VWF: variants seen among roughly 807,000 people sequenced by gnomAD.
VWF encodes the protein Factor VIII related antigen.
A neutral mutation model predicts 308.6 loss-of-function variants in VWF; 176 were observed. The observed-to-expected ratio is 0.57, with a 90% CI of 0.50 to 0.65. The LOEUF (loss-of-function observed/expected upper bound fraction) is 0.65. VWF is among the 30% of genes least tolerant of loss of function. VWF has a pLI of 0.00. For missense variants in VWF, 3,146 were observed against 3,648.2 expected, an observed-to-expected ratio of 0.86 and a Z score of 3.55; for synonymous variants, 1,385 against 1,443.4, an observed-to-expected ratio of 0.96 and a Z score of 0.92.
At chr12:6,107,601 C>T (rs183826641) in intron 5 of VWF, among the ~76,000 whole-genome samples, 6 of 152,190 alleles carry the variant, frequency 3.9e-5, no homozygotes, top group African/African-American at 1.4e-4. Context: ...GCAAAAAGCA[C>T]TGGTAAAAAT....
In VWF at chr12:5,992,113, TGC is replaced by T; in HGVS notation, c.6599-97_6599-96del. ...AACATGGTTAATCATCAGACAAACT[TGC>T]CAGGGCAGAGACGGCTATTTTCCAC... On this transcript the variant is annotated intron_variant, in intron 37 of 51. Coordinates refer to ENST00000261405, the MANE Select transcript of VWF (RefSeq NM_000552.5). 3.2e-6 allele frequency: 4 copies of T among 1,245,056 alleles called. No individual in the cohort carries two copies. In the South Asian group the frequency reaches 5.2e-5, roughly 16 times the overall value. The allele number at this position is 1,245,056 out of a possible 1,614,324, so 77.1% of individuals were successfully genotyped here.
At chr12:6,040,155 G>A (rs930861667) in intron 18 of VWF, among the ~76,000 whole-genome samples, 11 of 152,112 alleles carry the variant, frequency 7.2e-5, no homozygotes, top group Non-Finnish European at 1.5e-4. Flanking sequence ...CCTTGCCGCC[G>A]GACTCAGGAA....
At chr12:5,980,588 G>T (rs1057270384) in intron 42 of VWF, among the ~76,000 whole-genome samples, 2 of 152,210 alleles carry the variant, frequency 1.3e-5, no homozygotes, top group Non-Finnish European at 2.9e-5. Context: ...AGCAAGGCAG[G>T]AGGGGTGGGC....
chr12:6,100,335 G>C (rs1379376633), intron 5 of VWF, among the ~76,000 whole-genome samples: 9 of 147,862 alleles, frequency 6.1e-5, no homozygotes, highest in Admixed American at 6.0e-4. Flanking sequence ...TCAGTGTGGT[G>C]ATTCCTCAGG....
intron 3 of VWF, 70 bp downstream of exon 3, chr12:6,121,104 C>T: frequency 6.2e-7 from 1 of 1,601,262 alleles, no homozygotes; most frequent in Non-Finnish European, 8.5e-7. Context: ...AGCAGGAATC[C>T]TCCCCCACAC....
chr12:6,023,668 A>G lies in VWF; in HGVS notation c.3342T>C (p.His1114=). The G allele has an allele frequency of 6.2e-7, 1 of 1,613,886 alleles. No individual in the cohort carries two copies. The highest frequency in any genetic ancestry group is 1.1e-5 in the South Asian group (1 of 90,900). Residue 1114 remains histidine, a synonymous_variant, in exon 25 of 52, where the codon CAT becomes CAC. Transcript: ENST00000261405. ...CCGTCCTCCAGGTCACCACCTTGCCATGCTGGGCACACACGTGGGCATAGG... is the reference window on the plus strand; with the variant it reads ...CCGTCCTCCAGGTCACCACCTTGCCGTGCTGGGCACACACGTGGGCATAGG... ...IAAYAHVCAQ[H]GKVVTWRTAT...
intron 16 of VWF, among the ~76,000 whole-genome samples, chr12:6,050,725 C>T (rs112048440): frequency 0.011 from 1,659 of 152,172 alleles, 28 homozygotes; most frequent in African/African-American, 0.037. Context: ...TCTGGGAGGC[C>T]GAGGCGGGCA....
intron 47 of VWF, among the ~76,000 whole-genome samples, chr12:5,955,867 C>T (rs1295547049): frequency 6.6e-6 from 1 of 151,948 alleles, no homozygotes; most frequent in Non-Finnish European, 1.5e-5. Flanking sequence ...AGACAGGACA[C>T]AAGAAAAGAA....
rs1944104404 is a variant in VWF, at chr12:6,019,425, G to C, written c.3993C>G (p.Leu1331=). The C allele has an allele frequency of 6.2e-7, 1 of 1,613,942 alleles. No individual in the cohort carries two copies. Among genetic ancestry groups the C allele is most frequent in the Non-Finnish European group, 8.5e-7 (1 of 1,179,870 alleles). ...GCTCTGACGGTCGCTTCCGGTCCTT[G>C]AGCCCGATGTAGGCGTGGGAGCCGT... ...YHDGSHAYIG[L]KDRKRPSELR... The change falls in exon 28 of 52, where the codon CTC becomes CTG. Residue 1331 remains leucine (L), a synonymous_variant. Coordinates refer to ENST00000261405, the MANE Select transcript of VWF (RefSeq NM_000552.5). The surrounding 1 kb of genome is among the most constrained non-coding windows in gnomAD (Gnocchi z 5.8).
intron 24 of VWF, among the ~76,000 whole-genome samples, chr12:6,025,211 C>T (rs1480116337): frequency 2.0e-5 from 3 of 152,140 alleles, no homozygotes; most frequent in Non-Finnish European, 2.9e-5. Context: ...AGAGGAAGGT[C>T]TTTTGGTCTG....
intron 47 of VWF, among the ~76,000 whole-genome samples, chr12:5,962,953 C>T (rs574336731): frequency 6.6e-6 from 1 of 152,300 alleles, no homozygotes; most frequent in Admixed American, 6.5e-5. Flanking sequence ...GAGACCCCTA[C>T]TTTATACCAC....
Position 6,019,222 on chromosome 12 carries a change from C to T in VWF, c.4196G>A (p.Arg1399His), listed in dbSNP as rs1800382. ...CTTCTTCTTCAGGCCCTGGACGTAG[C>T]GGACAAAGTTCCGGGACATCCGTTG... Reference protein sequence around the residue: ...EPQRMSRNFVRYVQGLKKKKV... With the variant: ...EPQRMSRNFVHYVQGLKKKKV... The change falls in exon 28 of 52, where the codon CGC becomes CAC. Residue 1399 changes from arginine to histidine, a missense_variant. Coordinates refer to ENST00000261405, the MANE Select transcript of VWF (RefSeq NM_000552.5). This position sits in a 1 kb window ranked among gnomAD's most constrained non-coding sequence, Gnocchi z 5.8. 0.011 allele frequency: 17,985 copies of T among 1,613,890 alleles called. 158 individuals are homozygous for T. Among genetic ancestry groups the T allele is most frequent in the Non-Finnish European group, 0.013 (15,410 of 1,179,858 alleles).
intron 47 of VWF, among the ~76,000 whole-genome samples, chr12:5,964,017 T>G (rs12307884): frequency 6.8e-6 from 1 of 147,912 alleles, no homozygotes; most frequent in Admixed American, 6.6e-5. Context: ...ACCATTCTGG[T>G]TAACACGGTG....
rs759246295 is a variant in VWF at position 5,971,723 on chromosome 12, A to G, written c.7438-14T>C. On this transcript the variant is annotated splice_polypyrimidine_tract_variant and intron_variant, in intron 43 of 51. Transcript: ENST00000261405. ...GTAAGTGAAGCCCTGGAAAAGCAGA[A>G]AAAACAGAGTAAGGACAGGCCAGCA... 1 of 1,611,708 alleles carries G rather than the reference A, an allele frequency of 6.2e-7. No individual in the cohort carries two copies. The highest frequency in any genetic ancestry group is 2.2e-5 in the East Asian group (1 of 44,870).
At chr12:5,965,804 G>A (rs1162169149) in intron 47 of VWF, among the ~76,000 whole-genome samples, 1 of 152,184 alleles carries the variant, frequency 6.6e-6, no homozygotes, top group Non-Finnish European at 1.5e-5. Flanking sequence ...GAGCTAGAAC[G>A]GGATCAGCAG....
chr12:5,999,322 G>A (rs1421696555), intron 34 of VWF, among the ~76,000 whole-genome samples: 1 of 152,110 alleles, frequency 6.6e-6, no homozygotes, highest in East Asian at 1.9e-4. Context: ...GAAAAGCATA[G>A]TTTCAAGGGG....
chr12:6,046,594 G>A lies in VWF; in HGVS notation c.2281+129C>T. 1 of 925,098 alleles carries A rather than the reference G, an allele frequency of 1.1e-6. No homozygotes were observed. The highest frequency in any genetic ancestry group is 2.5e-5 in the East Asian group (1 of 39,608). 57.3% of individuals were successfully genotyped at this position (925,098 alleles called of 1,614,324 possible). On this transcript the variant is annotated intron_variant, in intron 17 of 51. Transcript: ENST00000261405. This position sits in a 1 kb window ranked among gnomAD's most constrained non-coding sequence, Gnocchi z 5.0. ...AACCCAGAAATGAAGGCGATCCTGG[G>A]CGAAGCCAGACCCATGCCTGGGTGC...
intron 13 of VWF, among the ~76,000 whole-genome samples, chr12:6,061,720 T>C (rs1033722367): frequency 6.6e-6 from 1 of 152,216 alleles, no homozygotes; most frequent in African/African-American, 2.4e-5. Flanking sequence ...TTGAGACCCA[T>C]AGGGGTCCCT....
intron 14 of VWF, among the ~76,000 whole-genome samples, chr12:6,057,478 A>AATTT (rs574627821): frequency 0.062 from 6,101 of 99,070 alleles, 175 homozygotes; most frequent in Non-Finnish European, 0.068. Context: ...ACGCCCGGCA[A>AATTT]ATTTATTATT....
Sources: allele counts gnomAD v4.1 joint callset (sites outside exome capture counted in the v4.1 genomes callset), GRCh38; gene constraint gnomAD v4.1.1; non-coding constraint Gnocchi (gnomAD v3.1); transcripts MANE v1.5; gene names NCBI Gene and HGNC (gene_info 2026-07-23, HGNC 2026-07-21).